Variants in ANO2 observed in about 807,000 individuals in gnomAD.
ANO2 encodes anoctamin 2, also known as anoctamin-2.
Under a neutral mutation model 124.2 loss-of-function variants are expected in ANO2, and 101 were observed. The ratio of observed to expected loss-of-function variants is 0.81; its 90% CI spans 0.69 to 0.96. The LOEUF is 0.96. Ranked by LOEUF, ANO2 falls within the 40% of genes least tolerant of loss-of-function variation. The pLI, the probability that ANO2 is intolerant of heterozygous loss-of-function variation, is 0.00. For missense variants in ANO2, 1,293 were observed against 1,274.5 expected, an observed-to-expected ratio of 1.01 and a Z score of -0.22; for synonymous variants, 486 against 482.5, an observed-to-expected ratio of 1.01 and a Z score of -0.09.
In ANO2 at chr12:5,825,212, A is replaced by G. The variant is rs1026150444; in HGVS notation, c.892+2557T>C. ...CATGCTCATGGAATTCACTGGTCTT[A>G]CCATGTTCCCCATCATCCTGAAGCA... is the stretch of plus-strand genomic sequence containing the variant. On this transcript the variant is annotated intron_variant, in intron 7 of 24. Coordinates refer to ENST00000682330, the MANE Select transcript of ANO2 (RefSeq NM_001364791.2). Among the ~76,000 whole-genome samples, 4 of 152,196 alleles carry G rather than the reference A, an allele frequency of 2.6e-5. No individual in the cohort carries two copies. In the South Asian group the frequency reaches 8.3e-4, roughly 32 times the overall value.
At chr12:5,821,803 G>A (rs888503998) in intron 7 of ANO2, among the ~76,000 whole-genome samples, 2 of 152,208 alleles carry the variant, frequency 1.3e-5, no homozygotes, top group African/African-American at 4.8e-5. Flanking sequence ...ATGAACAGCA[G>A]CATTCCATCA....
At chr12:5,740,718 A>G (rs1951065651) in intron 12 of ANO2, among the ~76,000 whole-genome samples, 1 of 152,188 alleles carries the variant, frequency 6.6e-6, no homozygotes, top group Non-Finnish European at 1.5e-5. Context: ...GGGCAGAGGA[A>G]GGGTGCCAAC....
At chr12:5,928,453 A>G (rs1401965416) in intron 1 of ANO2, among the ~76,000 whole-genome samples, 5 of 97,950 alleles carry the variant, frequency 5.1e-5, no homozygotes, top group African/African-American at 1.6e-4. Flanking sequence ...CTTCCTCCGT[A>G]GTCTACTTTC....
chr12:5,759,313 G>C (rs975100035), intron 10 of ANO2, among the ~76,000 whole-genome samples: 3 of 152,070 alleles, frequency 2.0e-5, no homozygotes, highest in Non-Finnish European at 4.4e-5. Flanking sequence ...AGCTTGTGGG[G>C]GAAGGAAATC....
chr12:5,946,096 C>A (rs1241239926), upstream of ANO2: 1 of 1,596,980 alleles, frequency 6.3e-7, no homozygotes, highest in African/African-American at 1.3e-5. This position sits in a 1 kb window ranked among gnomAD's most constrained non-coding sequence, Gnocchi z 4.1. Flanking sequence ...ACCATGGACC[C>A]CCAAAATGAA....
chr12:5,841,966 C>A (rs1954529146), intron 4 of ANO2, among the ~76,000 whole-genome samples: 1 of 152,124 alleles, frequency 6.6e-6, no homozygotes, highest in Non-Finnish European at 1.5e-5. Flanking sequence ...ACCTCCTGGG[C>A]TCAAGTGATT....
chr12:5,889,969 G>A (rs940337252), intron 3 of ANO2, among the ~76,000 whole-genome samples: 1 of 152,050 alleles, frequency 6.6e-6, no homozygotes, highest in Non-Finnish European at 1.5e-5. Flanking sequence ...CTGTAGACAA[G>A]CAAAAGCAGG....
chr12:5,640,920 C>T (rs1189342250), intron 15 of ANO2, among the ~76,000 whole-genome samples: 1 of 152,188 alleles, frequency 6.6e-6, no homozygotes, highest in Non-Finnish European at 1.5e-5. Flanking sequence ...AAGACACATG[C>T]ACACATATGT....
intron 23 of ANO2, among the ~76,000 whole-genome samples, chr12:5,572,172 C>G (rs1382179661): frequency 6.6e-6 from 1 of 152,176 alleles, no homozygotes; most frequent in East Asian, 1.9e-4. Context: ...TCAACAGGAC[C>G]AGCATCCTCT....
intron 4 of ANO2, among the ~76,000 whole-genome samples, chr12:5,848,767 C>T (rs370818033): frequency 2.6e-5 from 4 of 152,204 alleles, no homozygotes. Flanking sequence ...TTTCTGGCTG[C>T]CTTGGCAGAG....
At position 5,921,384 on chromosome 12, in the gene ANO2, A is replaced by G. The variant is rs749552375; in HGVS notation, c.208-18T>C. 2 of 1,609,160 alleles carry G rather than the reference A, an allele frequency of 1.2e-6. No individual in the cohort carries two copies. The highest frequency in any genetic ancestry group is 2.7e-5 in the African/African-American group (2 of 74,832). ...TTGATGACCTGGCCAGAGAGAGAGG[A>G]GAGGCAGGGCAAGGTCTGGTGAGTA... On this transcript the variant is annotated intron_variant, in intron 2 of 24. Transcript: ENST00000682330.
chr12:5,838,901 G>T (rs527422598), intron 4 of ANO2, among the ~76,000 whole-genome samples: 1 of 152,326 alleles, frequency 6.6e-6, no homozygotes, highest in South Asian at 2.1e-4. Flanking sequence ...AATGAGATGT[G>T]CAGCTTTGAG....
chr12:5,592,307 T>C (rs1463365923), intron 20 of ANO2, among the ~76,000 whole-genome samples: 2 of 152,114 alleles, frequency 1.3e-5, no homozygotes, highest in East Asian at 1.9e-4. Flanking sequence ...AGCACTCACA[T>C]GTTTGAAAGG....
At chr12:5,608,839 C>T (rs1304625475) in intron 19 of ANO2, 1 of 152,194 alleles carries the variant, frequency 6.6e-6, no homozygotes, top group South Asian at 2.1e-4. Flanking sequence ...CGAGTTCTTG[C>T]CTCTCTTGTA....
At chr12:5,669,876 CAGAGA>C (rs1337716703) in intron 14 of ANO2, among the ~76,000 whole-genome samples, 1 of 152,196 alleles carries the variant, frequency 6.6e-6, no homozygotes, top group African/African-American at 2.4e-5. Context: ...CTCTGACAAT[CAGAGA>C]AGAAAGTAAC....
At chr12:5,664,094 G>A (rs1947580921) in intron 14 of ANO2, among the ~76,000 whole-genome samples, 1 of 152,220 alleles carries the variant, frequency 6.6e-6, no homozygotes. Context: ...TCATACATGA[G>A]TGCTTACATA....
chr12:5,915,357 CA>C (rs1165032603), intron 3 of ANO2, among the ~76,000 whole-genome samples: 1 of 151,932 alleles, frequency 6.6e-6, no homozygotes, highest in Non-Finnish European at 1.5e-5. Context: ...GAAATATGCA[CA>C]AAAAATGAAA....
At chr12:5,693,574 T>C (rs117421033) in intron 14 of ANO2, among the ~76,000 whole-genome samples, 1,699 of 152,288 alleles carry the variant, frequency 0.011, 14 homozygotes, top group Middle Eastern at 0.024. Flanking sequence ...ACTCATCCTG[T>C]GGTCTTCTGC....
rs575703082 is a variant in ANO2 at position 5,581,132 on chromosome 12, C to T, written c.2234-2614G>A. 5.3e-5 allele frequency among the ~76,000 whole-genome samples: 8 copies of T among 152,112 alleles called. No individual in the cohort carries two copies. The South Asian group carries it at 6.2e-4, about 12-fold the overall frequency. On this transcript the variant is annotated intron_variant, in intron 20 of 24. Transcript: ENST00000682330. ...GGGATGAATGGAATTAACAAGGAAA[C>T]GAAAACAGATGTTAGACTAGCATTC...
Sources: gnomAD v4.1 joint callset for allele counts (sites outside exome capture counted in the v4.1 genomes callset) on GRCh38, gnomAD v4.1.1 for gene constraint, Gnocchi (gnomAD v3.1) non-coding constraint, MANE v1.5 for transcripts, NCBI Gene and HGNC (gene_info 2026-07-23, HGNC 2026-07-21) for gene names.